The following RGS9 variants were observed in gnomAD, a reference collection of about 807,000 sequenced individuals.
RGS9 encodes regulator of G protein signaling 9.
RGS9 carries 78 observed loss-of-function variants against 102.0 expected under a neutral mutation model. The ratio of observed to expected loss-of-function variants is 0.76; its 90% CI spans 0.64 to 0.92. The LOEUF (loss-of-function observed/expected upper bound fraction) is 0.92. RGS9 is among the 40% of genes least tolerant of loss of function. The pLI, the probability that RGS9 is intolerant of heterozygous loss-of-function variation, is 0.00. For synonymous variants in RGS9, 353 were observed against 318.6 expected (o/e 1.11, Z -1.15); for missense variants, 833 against 866.1 (o/e 0.96, Z 0.48).
chr17:65,205,537 G>C lies in RGS9; in HGVS notation c.1203+1236G>C, dbSNP rs149889118. Reference sequence around the variant, plus strand: ...ATATGATATAGGTTATGTGATATAGGCTATTTGATATAGGTTATATGATAT... The same window carrying C: ...ATATGATATAGGTTATGTGATATAGCCTATTTGATATAGGTTATATGATAT... On this transcript the variant is annotated intron_variant, in intron 15 of 18. Transcript: ENST00000262406. 2.4e-3 allele frequency among the ~76,000 whole-genome samples: 360 copies of C among 152,076 alleles called. 2 individuals carry two copies. The highest frequency in any genetic ancestry group is 8.5e-3 in the African/African-American group (351 of 41,500).
chr17:65,192,100 A>G (rs530378393), intron 11 of RGS9, among the ~76,000 whole-genome samples: 2 of 152,330 alleles, frequency 1.3e-5, no homozygotes, highest in African/African-American at 4.8e-5. Context: ...ATAATTGTAC[A>G]TGTTTAGGGG....
chr17:65,210,342 GACCCC>G (rs1913243124), intron 16 of RGS9, 141 bp from the exon 17 acceptor site: 1 of 979,452 alleles, frequency 1.0e-6, no homozygotes, highest in Admixed American at 1.7e-5. Context: ...GCCAAGGTTG[GACCCC>G]ACTGGAGGTT....
chr17:65,158,397 C>G, intron 3 of RGS9, 52 bp downstream of exon 3: 2 of 1,503,662 alleles, frequency 1.3e-6, no homozygotes, highest in Non-Finnish European at 1.9e-6. Flanking sequence ...TGTACAGCAC[C>G]ATGGGAGAAA....
chr17:65,208,305 T>G (rs919236438), intron 16 of RGS9, among the ~76,000 whole-genome samples: 1 of 152,192 alleles, frequency 6.6e-6, no homozygotes, highest in Non-Finnish European at 1.5e-5. Flanking sequence ...TCTCCTTGGT[T>G]TTTTAACTGC....
intron 15 of RGS9, among the ~76,000 whole-genome samples, chr17:65,205,932 T>C (rs962289254): frequency 6.6e-6 from 1 of 152,072 alleles, no homozygotes; most frequent in Non-Finnish European, 1.5e-5. Context: ...CTGATATAGG[T>C]TATGTGATAT....
intron 13 of RGS9, among the ~76,000 whole-genome samples, chr17:65,201,726 C>G (rs1037926473): frequency 6.6e-6 from 1 of 152,208 alleles, no homozygotes; most frequent in African/African-American, 2.4e-5. Context: ...AGGTGCCAAT[C>G]TAGTTTATTT....
chr17:65,215,798 T>C (rs887431157), intron 17 of RGS9, among the ~76,000 whole-genome samples: 4 of 152,064 alleles, frequency 2.6e-5, no homozygotes, highest in African/African-American at 4.8e-5. Flanking sequence ...TGACCTCAAG[T>C]GATCCGCTGG....
intron 17 of RGS9, among the ~76,000 whole-genome samples, chr17:65,210,965 A>G (rs1234662647): frequency 1.3e-5 from 2 of 152,090 alleles, no homozygotes; most frequent in East Asian, 3.9e-4. Context: ...GAACTTTTTC[A>G]GTAAGAGCCA....
chr17:65,144,564 C>T (rs7359499), intron 1 of RGS9, among the ~76,000 whole-genome samples: 19,700 of 152,192 alleles, frequency 0.13, 2,977 homozygotes, highest in African/African-American at 0.37. Flanking sequence ...TGCCTGGGAA[C>T]GAAGCGGGGC....
At chr17:65,170,540 C>A (rs555666743) in intron 8 of RGS9, among the ~76,000 whole-genome samples, 35 of 152,308 alleles carry the variant, frequency 2.3e-4, no homozygotes, top group African/African-American at 8.4e-4. Flanking sequence ...TGCACCTTAG[C>A]CCTGTGCACT....
chr17:65,159,022 T>C (rs1910879267), intron 3 of RGS9, among the ~76,000 whole-genome samples: 1 of 152,196 alleles, frequency 6.6e-6, no homozygotes, highest in Non-Finnish European at 1.5e-5. Flanking sequence ...TGTTCCTGAC[T>C]TAACTGATGA....
chr17:65,211,747 G>A (rs9900568), intron 17 of RGS9, among the ~76,000 whole-genome samples: 28,645 of 152,198 alleles, frequency 0.19, 4,688 homozygotes, highest in African/African-American at 0.44. Context: ...CATTCAGCAC[G>A]TCTATTGAGC....
intron 9 of RGS9, among the ~76,000 whole-genome samples, chr17:65,184,428 G>C (rs911439340): frequency 1.3e-5 from 2 of 152,212 alleles, no homozygotes; most frequent in Non-Finnish European, 2.9e-5. Context: ...CACGTGCTCA[G>C]TGGTGGTGTA....
chr17:65,185,990 C>T (rs984586152), intron 9 of RGS9, among the ~76,000 whole-genome samples: 8 of 152,016 alleles, frequency 5.3e-5, no homozygotes, highest in Non-Finnish European at 7.4e-5. Flanking sequence ...GAACAGTGGC[C>T]GACAGGCAGA....
chr17:65,225,360 G>T lies in RGS9; in HGVS notation c.1766G>T (p.Gly589Val), dbSNP rs1211803356. The change falls in exon 18 of 19, where the codon GGC becomes GTC. Residue 589 changes from glycine to valine, a missense_variant. Physicochemically the swap from Gly to Val is moderately radical, Grantham distance 109. This residue lies in a region of RGS9 where 320 missense variants were observed against 276.8 expected (regional missense o/e 1.16). Coordinates refer to ENST00000262406, the MANE Select transcript of RGS9 (RefSeq NM_003835.4). The part of the protein sequence containing the change: ...ALSFSRFLRR[G>V]CLASPVFARL... ...TCCTTCAGCAGGTTTCTGAGACGAG[G>T]CTGTCTGGCCTCACCTGTCTTTGCC... The T allele has an allele frequency of 2.5e-6, 4 of 1,611,728 alleles. No homozygotes were observed. Among genetic ancestry groups the T allele is most frequent in the East Asian group, 2.2e-5 (1 of 44,884 alleles).
Position 65,224,994 on chromosome 17 carries a change from C to G in RGS9, c.1408-8C>G, listed in dbSNP as rs767618225. ...CACCACTGAGCTCTCTCCTTTCCTT[C>G]TCTACAGCCGGGCCAGCACATGGCT... On this transcript the variant is annotated splice_region_variant and splice_polypyrimidine_tract_variant and intron_variant, in intron 17 of 18. Transcript: ENST00000262406. 5 of 1,613,582 alleles carry G rather than the reference C, an allele frequency of 3.1e-6. No individual in the cohort carries two copies. Among genetic ancestry groups the G allele is most frequent in the East Asian group, 2.2e-5 (1 of 44,866 alleles).
intron 17 of RGS9, among the ~76,000 whole-genome samples, chr17:65,221,277 A>G (rs569943625): frequency 6.6e-6 from 1 of 152,042 alleles, no homozygotes; most frequent in South Asian, 2.1e-4. Context: ...GAGTTGGGGG[A>G]GGGCATATAG....
chr17:65,227,353 G>T lies in RGS9; in HGVS notation c.1971G>T (p.Glu657Asp). 1 of 1,614,238 alleles carries T rather than the reference G, an allele frequency of 6.2e-7. No homozygotes were observed. The highest frequency in any genetic ancestry group is 8.5e-7 in the Non-Finnish European group (1 of 1,180,044). ...ACTCGGAGGATGCTGGAACAGGAGAGTCGGGTGACCGGGCCACAGAAAAGG... is the reference window on the plus strand; with the variant it reads ...ACTCGGAGGATGCTGGAACAGGAGATTCGGGTGACCGGGCCACAGAAAAGG... ...LMDSEDAGTGESGDRATEKEV... is the reference protein window; with the variant it reads ...LMDSEDAGTGDSGDRATEKEV... The change falls in exon 19 of 19, where the codon GAG becomes GAT. Residue 657 changes from glutamate (E) to aspartate (D), a missense_variant. Physicochemically the swap from Glu to Asp is conservative, Grantham distance 45. Around this residue, in one of 3 missense-constraint regions of RGS9, gnomAD observed 320 missense variants for 276.8 expected, o/e 1.16. Coordinates refer to ENST00000262406, the MANE Select transcript of RGS9 (RefSeq NM_003835.4).
chr17:65,166,480 A>C (rs1020617229), intron 7 of RGS9, among the ~76,000 whole-genome samples: 1 of 152,242 alleles, frequency 6.6e-6, no homozygotes, highest in Non-Finnish European at 1.5e-5. Context: ...TGTTTGGTTC[A>C]CCAGTAGACT....
Sources: allele counts gnomAD v4.1 joint callset (sites outside exome capture counted in the v4.1 genomes callset), GRCh38; gene constraint gnomAD v4.1.1; regional missense constraint gnomAD v4.1.1; transcripts MANE v1.5; gene names NCBI Gene and HGNC (gene_info 2026-07-23, HGNC 2026-07-21).